The following RBFOX1 variants were observed in gnomAD, a reference collection of about 807,000 sequenced individuals.
RBFOX1 encodes RNA binding fox-1 homolog 1, also known as RNA binding protein fox-1 homolog 1.
RBFOX1 carries 8 observed loss-of-function variants against 57.7 expected under a neutral mutation model. The ratio of observed to expected loss-of-function variants is 0.14; its 90% CI spans 0.08 to 0.25. The LOEUF (loss-of-function observed/expected upper bound fraction) is 0.25. Among genes scored for constraint, RBFOX1 ranks in the 10% least tolerant of loss-of-function variants. The probability of loss-of-function intolerance (pLI) is 1.00; values close to 1 mark genes in which losing one functional copy is unlikely to be tolerated. For missense variants in RBFOX1, 611 were observed against 548.5 expected (o/e 1.11, Z -1.14); for synonymous variants, 326 against 222.4 (o/e 1.47, Z -4.15).
chr16:6,507,151 A>C (rs1314218350), intron 2 of RBFOX1, among the ~76,000 whole-genome samples: 1 of 151,670 alleles, frequency 6.6e-6, no homozygotes, highest in African/African-American at 2.4e-5. Flanking sequence ...ATCGTTCCTC[A>C]CCTCCACTGC....
chr16:7,618,073 G>C (rs2058743950), intron 10 of RBFOX1, among the ~76,000 whole-genome samples: 1 of 152,126 alleles, frequency 6.6e-6, no homozygotes, highest in South Asian at 2.1e-4. Context: ...GAGCCAAGTT[G>C]ACGTTTTTTC....
chr16:6,924,350 G>T (rs2153459820), intron 3 of RBFOX1, among the ~76,000 whole-genome samples: 1 of 152,110 alleles, frequency 6.6e-6, no homozygotes, highest in East Asian at 1.9e-4. Flanking sequence ...GTTGGGCAGG[G>T]AAGAGGAACA....
At chr16:5,829,927 G>A (rs988959511) in intron 3 of RBFOX1, among the ~76,000 whole-genome samples, 16 of 152,146 alleles carry the variant, frequency 1.1e-4, no homozygotes, top group Admixed American at 5.9e-4. Context: ...TGGCATAGAC[G>A]GTTGGGCTTC....
At chr16:6,304,407 A>G (rs544939129) in intron 1 of RBFOX1, among the ~76,000 whole-genome samples, 1 of 152,228 alleles carries the variant, frequency 6.6e-6, no homozygotes, top group Admixed American at 6.5e-5. Flanking sequence ...AGATTACTGT[A>G]TCCCTCCTCC....
At chr16:7,334,737 TAGATG>T (rs558334366) in intron 4 of RBFOX1, among the ~76,000 whole-genome samples, 11 of 152,200 alleles carry the variant, frequency 7.2e-5, no homozygotes, top group Non-Finnish European at 1.3e-4. Flanking sequence ...ACCCCAGTGA[TAGATG>T]AGAAGATGCA....
chr16:6,483,246 C>T, intron 2 of RBFOX1: 3 of 1,257,576 alleles, frequency 2.4e-6, no homozygotes, highest in Non-Finnish European at 2.0e-6. Context: ...CCGCCGTGGC[C>T]TCCCTTTGTG....
At chr16:7,087,790 G>C (rs1028975612) in intron 4 of RBFOX1, among the ~76,000 whole-genome samples, 1 of 152,138 alleles carries the variant, frequency 6.6e-6, no homozygotes, top group South Asian at 2.1e-4. Flanking sequence ...GATACTCTTG[G>C]TGAAGTAAGG....
At chr16:5,361,809 G>C (rs2065559971) in intron 1 of RBFOX1, among the ~76,000 whole-genome samples, 1 of 152,198 alleles carries the variant, frequency 6.6e-6, no homozygotes, top group African/African-American at 2.4e-5. Flanking sequence ...CACACAGCAA[G>C]AAAAGTTAGT....
intron 2 of RBFOX1, among the ~76,000 whole-genome samples, chr16:6,467,184 T>A (rs535355299): frequency 5.3e-5 from 8 of 151,120 alleles, no homozygotes; most frequent in African/African-American, 1.9e-4. Context: ...TAATATAAAG[T>A]TTACTTAATA....
chr16:7,189,374 T>C (rs113117107), intron 4 of RBFOX1, among the ~76,000 whole-genome samples: 35,260 of 136,960 alleles, frequency 0.26, 4,582 homozygotes, highest in East Asian at 0.38. Flanking sequence ...TGCAGTGAGC[T>C]GAGATCGCGC....
chr16:6,628,920 C>T (rs1040536181), intron 2 of RBFOX1, among the ~76,000 whole-genome samples: 4 of 152,128 alleles, frequency 2.6e-5, no homozygotes, highest in Non-Finnish European at 5.9e-5. Flanking sequence ...GTCCCAGCTA[C>T]TAGGGAGGCT....
chr16:7,369,624 C>A (rs1256021661), intron 4 of RBFOX1, among the ~76,000 whole-genome samples: 1 of 152,098 alleles, frequency 6.6e-6, no homozygotes, highest in Non-Finnish European at 1.5e-5. Flanking sequence ...TGTCTGGAGT[C>A]AATTGGATTC....
intron 4 of RBFOX1, among the ~76,000 whole-genome samples, chr16:7,159,892 A>C (rs1479728761): frequency 3.3e-5 from 5 of 152,162 alleles, no homozygotes. Context: ...TATACTAATT[A>C]TTGCTAATAT....
At chr16:5,832,709 G>A (rs934561358) in intron 3 of RBFOX1, among the ~76,000 whole-genome samples, 6 of 152,128 alleles carry the variant, frequency 3.9e-5, no homozygotes, top group African/African-American at 1.4e-4. Context: ...CTTTTCATTG[G>A]GGGCATCATG....
chr16:5,600,058 G>C (rs746409196), exon 3 of RBFOX1: 1 of 151,708 alleles, frequency 6.6e-6, no homozygotes, highest in Non-Finnish European at 1.5e-5. Context: ...GGGAGGCTGA[G>C]GTGGGCTGAT....
intron 1 of RBFOX1, among the ~76,000 whole-genome samples, chr16:6,113,182 T>C (rs2096463962): frequency 6.6e-6 from 1 of 152,174 alleles, no homozygotes; most frequent in African/African-American, 2.4e-5. Flanking sequence ...TCTTTCATCC[T>C]CCTTAGACCA....
chr16:6,857,492 G>A (rs1161140706), intron 3 of RBFOX1, among the ~76,000 whole-genome samples: 1 of 152,154 alleles, frequency 6.6e-6, no homozygotes, highest in Non-Finnish European at 1.5e-5. Context: ...GACTCATTGG[G>A]CATAACCAGC....
At chr16:5,452,346 T>A (rs1004114931) in intron 1 of RBFOX1, among the ~76,000 whole-genome samples, 2 of 151,946 alleles carry the variant, frequency 1.3e-5, no homozygotes, top group Non-Finnish European at 2.9e-5. Context: ...TGGCCTCAAG[T>A]GATCCACCCG....
chr16:6,577,887 CGAG>C (rs2097465901), intron 2 of RBFOX1, among the ~76,000 whole-genome samples: 1 of 152,120 alleles, frequency 6.6e-6, no homozygotes, highest in African/African-American at 2.4e-5. Flanking sequence ...ATTAAACAAA[CGAG>C]GCAATCATTT....
Sources: allele counts gnomAD v4.1 joint callset (sites outside exome capture counted in the v4.1 genomes callset), GRCh38; gene constraint gnomAD v4.1.1; transcripts MANE v1.5; gene names NCBI Gene and HGNC (gene_info 2026-07-23, HGNC 2026-07-21).